TOP2B: variants seen among roughly 807,000 people sequenced by gnomAD.
TOP2B encodes DNA topoisomerase 2-beta.
In TOP2B, 51 loss-of-function variants were observed where a neutral mutation model predicts 193.5. The ratio of observed to expected loss-of-function variants is 0.26; its 90% confidence interval spans 0.21 to 0.33. TOP2B has a LOEUF of 0.33. Ranked by LOEUF, TOP2B falls within the 10% of genes least tolerant of loss-of-function variation. The pLI is 1.00. For synonymous variants in TOP2B, 634 were observed against 635.7 expected, an observed-to-expected ratio of 1.00 and a Z score of 0.04; for missense variants, 1,378 against 1,909.3, an observed-to-expected ratio of 0.72 and a Z score of 5.19.
At chr3:25,634,037 C>T (rs1455411663) in intron 7 of TOP2B, 23 bp from the exon 8 acceptor site, 3 of 1,573,188 alleles carry the variant, frequency 1.9e-6, no homozygotes, top group Non-Finnish European at 1.7e-6. Context: ...AAAACAAAAA[C>T]AATTAAAAAT....
chr3:25,631,020 C>T (rs1702939792), intron 10 of TOP2B, 81 bp from the exon 11 acceptor site: 1 of 1,239,516 alleles, frequency 8.1e-7, no homozygotes. Flanking sequence ...TAATGCAAGA[C>T]CTGGAATCTG....
At chr3:25,600,726 A>G (rs1702070036) in intron 34 of TOP2B, among the ~76,000 whole-genome samples, 1 of 152,192 alleles carries the variant, frequency 6.6e-6, no homozygotes, top group Non-Finnish European at 1.5e-5. Flanking sequence ...GGTGAGAAAA[A>G]AAGTTCTAGC....
At chr3:25,599,300 C>G (rs554591443) in intron 35 of TOP2B, 135 bp downstream of exon 35, 1 of 693,178 alleles carries the variant, frequency 1.4e-6, no homozygotes. Context: ...ATTTCTTAAC[C>G]AAATACAAGC....
chr3:25,629,777 G>T (rs188060597), intron 13 of TOP2B, among the ~76,000 whole-genome samples: 12 of 151,824 alleles, frequency 7.9e-5, no homozygotes, highest in Non-Finnish European at 1.8e-4. Flanking sequence ...CCATAATTTT[G>T]TTCCTACTTG....
rs781031811 is a variant in TOP2B, at chr3:25,609,574, CCTT to C, written c.3922_3924del (p.Lys1308del). The stretch of plus-strand genomic sequence containing the variant: ...AACTATAATCATTTCTCACCAGGCT[CCTT>C]CTTCTCCCTCTTAGGTTTGGGACCT... On this transcript the variant is annotated inframe_deletion, in exon 29 of 36. Coordinates refer to ENST00000264331, the MANE Select transcript of TOP2B (RefSeq NM_001330700.2). The C allele has an allele frequency of 8.7e-6, 14 of 1,606,404 alleles. No individual in the cohort carries two copies. The Admixed American group carries it at 1.5e-4, about 17-fold the overall frequency.
chr3:25,632,399 A>C (rs1013740033), intron 10 of TOP2B, 47 bp downstream of exon 10: 2 of 1,449,964 alleles, frequency 1.4e-6, no homozygotes, highest in African/African-American at 1.4e-5. Context: ...AAAACTACCT[A>C]ATCAACTCTT....
intron 1 of TOP2B, among the ~76,000 whole-genome samples, chr3:25,663,591 C>T (rs1417391027): frequency 6.6e-6 from 1 of 152,180 alleles, no homozygotes; most frequent in Non-Finnish European, 1.5e-5. Flanking sequence ...CCCCGTTACA[C>T]CTGCGATGCT....
Position 25,637,233 on chromosome 3 carries a change from G to A in TOP2B, c.621C>T (p.Tyr207=), listed in dbSNP as rs1451805349. 2.6e-6 allele frequency: 4 copies of A among 1,556,016 alleles called. No homozygotes were observed. Among genetic ancestry groups the A allele is most frequent in the Middle Eastern group, 1.7e-4 (1 of 5,988 alleles). The change falls in exon 6 of 36, where the codon TAC becomes TAT. Residue 207 remains tyrosine (Y), a synonymous_variant. Transcript: ENST00000264331. ...AGCATACCTGCTTAAAACTGTGTTTGTATTCTTTGCAAGCTGTTTCTACTG... is the reference window on the plus strand; with the variant it reads ...AGCATACCTGCTTAAAACTGTGTTTATATTCTTTGCAAGCTGTTTCTACTG... The part of the protein sequence containing the change: ...KFTVETACKE[Y]KHSFKQTWMN...
intron 35 of TOP2B, among the ~76,000 whole-genome samples, 156 bp from the exon 36 acceptor site, chr3:25,598,633 GTTATC>G (rs1037768623): frequency 7.9e-5 from 12 of 152,292 alleles, no homozygotes; most frequent in South Asian, 4.1e-4. Context: ...TGTAAGACCA[GTTATC>G]TTATTTTTTG....
chr3:25,627,717 A>C (rs1205954066), intron 15 of TOP2B, among the ~76,000 whole-genome samples: 1 of 152,216 alleles, frequency 6.6e-6, no homozygotes, highest in Non-Finnish European at 1.5e-5. Context: ...CTATATTAAT[A>C]AACTTATCAA....
At chr3:25,664,189 G>A (rs1441470775) in intron 1 of TOP2B, 40 bp downstream of exon 1, 8 of 1,499,568 alleles carry the variant, frequency 5.3e-6, no homozygotes, top group Admixed American at 2.0e-5. Context: ...CCGCGGGCCC[G>A]GAACAATGCA....
chr3:25,663,671 G>C (rs768845476), intron 1 of TOP2B, among the ~76,000 whole-genome samples: 6 of 152,276 alleles, frequency 3.9e-5, no homozygotes, highest in Non-Finnish European at 8.8e-5. Flanking sequence ...TAACTGCTGT[G>C]AAAGTCATCC....
Position 25,607,391 on chromosome 3 carries a change from A to G in TOP2B, c.4094-16T>C, listed in dbSNP as rs1399814956. On this transcript the variant is annotated splice_polypyrimidine_tract_variant and intron_variant, in intron 30 of 35. Coordinates refer to ENST00000264331, the MANE Select transcript of TOP2B (RefSeq NM_001330700.2). ...GGTCTTTCGGCTAGGAGGAAAAATA[A>G]AAATGAATGTTAAACTCAAATCCTA... The G allele has an allele frequency of 7.7e-6, 12 of 1,548,730 alleles. No homozygotes were observed. Among genetic ancestry groups the G allele is most frequent in the Non-Finnish European group, 8.7e-7 (1 of 1,145,642 alleles).
chr3:25,637,939 G>T (rs1386687230), intron 5 of TOP2B, among the ~76,000 whole-genome samples: 1 of 151,870 alleles, frequency 6.6e-6, no homozygotes, highest in Non-Finnish European at 1.5e-5. Context: ...TGTCAGCCAA[G>T]TTAAACTTCC....
chr3:25,609,522 A>AT, intron 29 of TOP2B, 46 bp downstream of exon 29: 1 of 1,577,516 alleles, frequency 6.3e-7, no homozygotes, highest in Non-Finnish European at 8.6e-7. Context: ...ACTCTATACA[A>AT]ATATTTTTTC....
intron 2 of TOP2B, among the ~76,000 whole-genome samples, chr3:25,644,903 C>T (rs1294723413): frequency 6.6e-6 from 1 of 151,770 alleles, no homozygotes; most frequent in Non-Finnish European, 1.5e-5. Context: ...CACTGTCATT[C>T]TCCTGTCTCA....
chr3:25,617,062 A>G (rs1262245280), intron 25 of TOP2B, among the ~76,000 whole-genome samples: 1 of 152,066 alleles, frequency 6.6e-6, no homozygotes, highest in African/African-American at 2.4e-5. Flanking sequence ...ACACATGGCC[A>G]AGATGCTGAA....
At chr3:25,607,094 A>G in intron 31 of TOP2B, 77 bp downstream of exon 31, 2 of 1,529,514 alleles carry the variant, frequency 1.3e-6, no homozygotes, top group Non-Finnish European at 1.8e-6. Context: ...ACAATTTCTT[A>G]GAAGAGCTCA....
chr3:25,627,795 C>G (rs1702845132), intron 15 of TOP2B, among the ~76,000 whole-genome samples: 1 of 151,750 alleles, frequency 6.6e-6, no homozygotes, highest in South Asian at 2.1e-4. Context: ...TCAGGCCAAG[C>G]ATGGTGGCTC....
Sources: allele counts gnomAD v4.1 joint callset (sites outside exome capture counted in the v4.1 genomes callset), GRCh38; gene constraint gnomAD v4.1.1; transcripts MANE v1.5; gene names NCBI Gene and HGNC (gene_info 2026-07-23, HGNC 2026-07-21).